The following HNRNPC variants were observed in gnomAD, a reference collection of about 807,000 sequenced individuals.
HNRNPC encodes heterogeneous nuclear ribonucleoprotein C.
Under a neutral mutation model 33.2 loss-of-function variants are expected in HNRNPC, and 3 were observed. The ratio of observed to expected loss-of-function variants is 0.09; its 90% CI spans 0.04 to 0.23. The LOEUF is 0.23. Ranked by LOEUF, HNRNPC falls within the 10% of genes least tolerant of loss-of-function variation. HNRNPC has a pLI of 1.00. For missense variants in HNRNPC, 143 were observed against 366.7 expected, an observed-to-expected ratio of 0.39 and a Z score of 4.98; for synonymous variants, 121 against 126.7, an observed-to-expected ratio of 0.96 and a Z score of 0.30.
intron 1 of HNRNPC, chr14:21,263,594 A>T (rs1477456705): frequency 2.0e-5 from 3 of 152,310 alleles, no homozygotes; most frequent in Admixed American, 2.0e-4. Flanking sequence ...TGCAGAAAAA[A>T]TAGAAATAGA....
In HNRNPC at chr14:21,259,054, G is replaced by A. The variant is rs1245049024; in HGVS notation, c.-37+4257C>T. On this transcript the variant is annotated intron_variant, in intron 2 of 8. Coordinates refer to ENST00000553300, the MANE Select transcript of HNRNPC (RefSeq NM_004500.4). The stretch of plus-strand genomic sequence containing the variant: ...AGGATCTTAAACAAGACCCTCTAAG[G>A]TCCCGTGCTATGAAATGTTTGGTCC... Among the ~76,000 whole-genome samples, 4 of 152,174 alleles carry A rather than the reference G, an allele frequency of 2.6e-5. No homozygotes were observed. In the East Asian group the frequency reaches 5.8e-4, roughly 22 times the overall value.
chr14:21,262,474 C>T (rs1048450033), intron 2 of HNRNPC: 3 of 152,252 alleles, frequency 2.0e-5, no homozygotes, highest in Admixed American at 1.3e-4. Context: ...TGGGAAACAC[C>T]TCAAGATGCA....
intron 5 of HNRNPC, chr14:21,213,410 C>A (rs936038894): frequency 2.0e-5 from 7 of 357,264 alleles, no homozygotes; most frequent in Admixed American, 4.4e-5. Context: ...ATAAATGATT[C>A]CTCTGTACTA....
At chr14:21,222,222 T>C (rs1382327064) in intron 5 of HNRNPC, among the ~76,000 whole-genome samples, 2 of 152,100 alleles carry the variant, frequency 1.3e-5, no homozygotes, top group East Asian at 3.8e-4. Context: ...ACATGACTGA[T>C]GGGAATATAA....
At chr14:21,231,158 A>T in intron 3 of HNRNPC, 86 bp from the exon 4 acceptor site, 1 of 1,344,222 alleles carries the variant, frequency 7.4e-7, no homozygotes, top group Non-Finnish European at 1.0e-6. Context: ...TTTTTGAGAC[A>T]TAGTTTCGCT....
At chr14:21,259,882 C>CAAAAAAAAAA (rs5807071) in intron 2 of HNRNPC, among the ~76,000 whole-genome samples, 5 of 132,894 alleles carry the variant, frequency 3.8e-5, no homozygotes, top group East Asian at 2.1e-4. Context: ...CTGTCTCCAC[C>CAAAAAAAAAA]AAAAAAAAAA....
chr14:21,249,596 A>AAAAC (rs1555358497), intron 2 of HNRNPC, among the ~76,000 whole-genome samples: 7 of 116,588 alleles, frequency 6.0e-5, no homozygotes, highest in African/African-American at 2.0e-4. Context: ...TCAAAAACAA[A>AAAAC]AAAAAAAAAA....
chr14:21,211,435 C>A lies in HNRNPC; in HGVS notation c.769G>T (p.Asp257Tyr). The change falls in exon 8 of 9, where the codon GAT becomes TAT. Residue 257 changes from aspartate to tyrosine, a missense_variant. This residue lies in a region of HNRNPC where 131 missense variants were observed against 253.0 expected (regional missense o/e 0.52). Coordinates refer to ENST00000553300, the MANE Select transcript of HNRNPC (RefSeq NM_004500.4). ...TCATCCCCCCGATCTTCATTATCAT[C>A]ATCATCCAGTAGGTCCCCCTCCTCA... ...SAEEGDLLDD[D>Y]DNEDRGDDQL... 1 of 1,555,326 alleles carries A rather than the reference C, an allele frequency of 6.4e-7. No homozygotes were observed. The highest frequency in any genetic ancestry group is 8.7e-7 in the Non-Finnish European group (1 of 1,145,106).
chr14:21,256,625 A>G (rs912307851), intron 2 of HNRNPC, among the ~76,000 whole-genome samples: 1 of 152,084 alleles, frequency 6.6e-6, no homozygotes, highest in African/African-American at 2.4e-5. Flanking sequence ...GAGTAGTGGT[A>G]TATTTTGAAG....
At chr14:21,254,503 T>C (rs1050586974) in intron 2 of HNRNPC, 2 of 152,190 alleles carry the variant, frequency 1.3e-5, no homozygotes, top group African/African-American at 4.8e-5. Context: ...TCTATGAGCA[T>C]GTATTACTTT....
Position 21,211,113 on chromosome 14 carries a change from T to A in HNRNPC, c.*110A>T. On this transcript the variant is annotated 3_prime_UTR_variant, in exon 9 of 9. Transcript: ENST00000553300. ...GGAAGGACAAGGATGGGGAGAACAG[T>A]GAGCATGTGCTGAAGATACTAGGGG... 1 of 1,151,386 alleles carries A rather than the reference T, an allele frequency of 8.7e-7. No individual in the cohort carries two copies. The highest frequency in any genetic ancestry group is 1.3e-6 in the Non-Finnish European group (1 of 783,786). The allele number at this position is 1,151,386 out of a possible 1,614,324, so 71.3% of individuals were successfully genotyped here.
chr14:21,223,662 T>C (rs781642611), intron 5 of HNRNPC, among the ~76,000 whole-genome samples: 2 of 151,972 alleles, frequency 1.3e-5, no homozygotes, highest in East Asian at 1.9e-4. Flanking sequence ...GGCAGGAGAA[T>C]TGCTTGAACC....
In HNRNPC at chr14:21,240,471, G is replaced by A. The variant is rs190788877; in HGVS notation, c.-36-6242C>T. ...ATCTCAAGTAATTCAATTCTACTTG[G>A]AAAAGGTACGGCAGTTTGCATTATC... On this transcript the variant is annotated intron_variant, in intron 2 of 8. Transcript: ENST00000553300. Among the ~76,000 whole-genome samples the A allele has an allele frequency of 1.4e-3, 215 of 152,212 alleles. 3 individuals carry two copies. The highest frequency in any genetic ancestry group is 6.2e-4 in the South Asian group (3 of 4,820).
At chr14:21,234,530 T>TC (rs1405749356) in intron 2 of HNRNPC, among the ~76,000 whole-genome samples, 1 of 152,198 alleles carries the variant, frequency 6.6e-6, no homozygotes. Context: ...TGGACATAAT[T>TC]CCAAGTGGCC....
chr14:21,240,756 A>G (rs1895245120), intron 2 of HNRNPC, among the ~76,000 whole-genome samples: 1 of 152,206 alleles, frequency 6.6e-6, no homozygotes, highest in Non-Finnish European at 1.5e-5. Flanking sequence ...AGATGTTTCT[A>G]CTGGGCATTT....
At chr14:21,219,163 A>G (rs1302885185) in intron 5 of HNRNPC, among the ~76,000 whole-genome samples, 1 of 152,082 alleles carries the variant, frequency 6.6e-6, no homozygotes, top group East Asian at 1.9e-4. Context: ...CATATTTTTA[A>G]AATTCTCATT....
chr14:21,260,303 T>C (rs1168568280), intron 2 of HNRNPC, among the ~76,000 whole-genome samples: 5 of 145,438 alleles, frequency 3.4e-5, no homozygotes, highest in Non-Finnish European at 6.0e-5. Context: ...GAGGCAGAGG[T>C]TGTGGTGAGC....
intron 5 of HNRNPC, among the ~76,000 whole-genome samples, chr14:21,225,988 G>A (rs1277762227): frequency 1.3e-5 from 2 of 152,018 alleles, no homozygotes; most frequent in Non-Finnish European, 2.9e-5. Flanking sequence ...TATAGATCAA[G>A]ACTTTTATGA....
intron 6 of HNRNPC, among the ~76,000 whole-genome samples, chr14:21,212,346 G>T (rs1023844856): frequency 6.6e-6 from 1 of 151,876 alleles, no homozygotes; most frequent in Non-Finnish European, 1.5e-5. Context: ...GTTACAGGAG[G>T]AGTTCAATAT....
Sources: gnomAD v4.1 joint callset for allele counts (sites outside exome capture counted in the v4.1 genomes callset) on GRCh38, gnomAD v4.1.1 for gene constraint, gnomAD v4.1.1 regional missense constraint, MANE v1.5 for transcripts, NCBI Gene and HGNC (gene_info 2026-07-23, HGNC 2026-07-21) for gene names.